Variants in ADD2 observed in about 807,000 individuals in gnomAD.
ADD2 encodes beta-adducin.
Under a neutral mutation model 83.0 loss-of-function variants are expected in ADD2, and 23 were observed. The ratio of observed to expected loss-of-function variants is 0.28; its 90% CI spans 0.20 to 0.39. The LOEUF is 0.39. Among genes scored for constraint, ADD2 ranks in the 10% least tolerant of loss-of-function variants. ADD2 has a pLI of 1.00. For missense variants in ADD2, 758 were observed against 944.9 expected (o/e 0.80, Z 2.59); for synonymous variants, 375 against 375.4 (o/e 1.00, Z 0.01).
intron 4 of ADD2, among the ~76,000 whole-genome samples, chr2:70,700,690 A>T (rs1671543932): frequency 6.6e-6 from 1 of 152,120 alleles, no homozygotes; most frequent in East Asian, 1.9e-4. Context: ...ACAAATATCT[A>T]GATTGGTCAA....
chr2:70,767,711 C>T (rs2104580919), intron 1 of ADD2, 175 bp downstream of exon 1: 1 of 1,424,746 alleles, frequency 7.0e-7, no homozygotes, highest in South Asian at 1.5e-5. Context: ...TCACCAGAAA[C>T]CTTTAGGCGC....
In ADD2 at chr2:70,713,171, C is replaced by T. The variant is rs1672286733; in HGVS notation, c.-140G>A. ...CCGGCCACATCTACACAACCTCAAA[C>T]ATCCAGGTGGAAACTGCAAAACACA... On this transcript the variant is annotated 5_prime_UTR_variant, in exon 2 of 16. An upstream start codon of the reference 5' UTR is lost. Transcript: ENST00000264436. The T allele has an allele frequency of 4.1e-6, 4 of 985,448 alleles. No individual in the cohort carries two copies. In the Admixed American group the frequency reaches 2.5e-4, roughly 61 times the overall value. The allele number at this position is 985,448 out of a possible 1,614,324, so 61.0% of individuals were successfully genotyped here. A position where few individuals can be genotyped will look rare whatever the true frequency, so the allele number is the denominator to read the frequency against.
intron 1 of ADD2, among the ~76,000 whole-genome samples, chr2:70,731,043 G>A (rs1453097913): frequency 2.6e-5 from 4 of 152,168 alleles, no homozygotes; most frequent in African/African-American, 9.7e-5. Flanking sequence ...GCGGCCAAAT[G>A]AGACAGCTTT....
intron 12 of ADD2, 41 bp downstream of exon 12, chr2:70,677,717 G>C (rs1000304086): frequency 1.5e-5 from 24 of 1,604,318 alleles, no homozygotes; most frequent in Non-Finnish European, 2.0e-5. Flanking sequence ...AGACCCCCCA[G>C]TGTGGGAGAA....
Position 70,676,080 on chromosome 2 carries a change from C to G in ADD2, c.1593+716G>C, listed in dbSNP as rs1670124560. 1 of 985,240 alleles carries G rather than the reference C, an allele frequency of 1.0e-6. No homozygotes were observed. Among genetic ancestry groups the G allele is most frequent in the Non-Finnish European group, 1.2e-6 (1 of 829,940 alleles). The allele number at this position is 985,240 out of a possible 1,614,324, so 61.0% of individuals were successfully genotyped here. A position where few individuals can be genotyped will look rare whatever the true frequency, so the allele number is the denominator to read the frequency against. ...AAATCATTGCATCATCACAATTTGC[C>G]CTGCAGAGAGGAACATTTCCTGTAT... On this transcript the variant is annotated intron_variant, in intron 13 of 15. Coordinates refer to ENST00000264436, the MANE Select transcript of ADD2 (RefSeq NM_001617.4). This position sits in a 1 kb window ranked among gnomAD's most constrained non-coding sequence, Gnocchi z 4.8.
At chr2:70,688,249 A>T in intron 8 of ADD2, 127 bp from the exon 9 acceptor site, 1 of 659,506 alleles carries the variant, frequency 1.5e-6, no homozygotes, top group South Asian at 2.1e-5. Flanking sequence ...CCAACTCCTT[A>T]TGTTCTCTAA....
At chr2:70,737,134 A>C (rs1553380300) in intron 1 of ADD2, among the ~76,000 whole-genome samples, 1 of 152,172 alleles carries the variant, frequency 6.6e-6, no homozygotes, top group African/African-American at 2.4e-5. Flanking sequence ...GTGGGACTGT[A>C]AACTAGTTCA....
chr2:70,704,265 C>CCCCCCCCCCCCCCCCCCCCACCCCCCCA, intron 4 of ADD2, 56 bp downstream of exon 4: 1 of 442,438 alleles, frequency 2.3e-6, no homozygotes, highest in African/African-American at 2.1e-5. Context: ...CCCTCTCTTC[C>CCCCCCCCCCCCCCCCCCCCACCCCCCCA]CCACCCCACC....
intron 15 of ADD2, among the ~76,000 whole-genome samples, chr2:70,671,327 G>A (rs1367219538): frequency 6.6e-6 from 1 of 152,126 alleles, no homozygotes; most frequent in East Asian, 1.9e-4. Context: ...GTGTGCCTGT[G>A]TGTTTGTGTA....
At position 70,760,510 on chromosome 2, in the gene ADD2, A is replaced by G. The variant is rs1675027866; in HGVS notation, c.-154+7376T>C. The G allele has an allele frequency of 2.6e-5, 4 of 152,314 alleles. No individual in the cohort carries two copies. In the South Asian group the frequency reaches 8.3e-4, roughly 32 times the overall value. 9.4% of individuals were successfully genotyped at this position (152,314 alleles called of 1,614,324 possible). A position where few individuals can be genotyped will look rare whatever the true frequency, so the allele number is the denominator to read the frequency against. ...ATAAGATACAAATGGTACAGTTCTA[A>G]TTTTTTAAAGTTTCAGAGAAACAAG... is the stretch of plus-strand genomic sequence containing the variant. On this transcript the variant is annotated intron_variant, in intron 1 of 15. Transcript: ENST00000264436.
At chr2:70,723,334 T>C (rs1192359003) in intron 1 of ADD2, among the ~76,000 whole-genome samples, 2 of 152,136 alleles carry the variant, frequency 1.3e-5, no homozygotes, top group Admixed American at 1.3e-4. Flanking sequence ...ACTCCACAAA[T>C]GTTAGGTGCT....
intron 15 of ADD2, among the ~76,000 whole-genome samples, chr2:70,666,033 C>T (rs1407460949): frequency 1.3e-5 from 2 of 152,162 alleles, no homozygotes; most frequent in Non-Finnish European, 1.5e-5. Flanking sequence ...CCAGGATGGT[C>T]TCGAACTCCT....
intron 1 of ADD2, among the ~76,000 whole-genome samples, chr2:70,719,820 C>T (rs1672644574): frequency 6.6e-6 from 1 of 152,078 alleles, no homozygotes; most frequent in Admixed American, 6.5e-5. Flanking sequence ...AAAGTTTCAC[C>T]TCAATCAAAT....
intron 15 of ADD2, among the ~76,000 whole-genome samples, chr2:70,671,436 CT>C (rs1404232006): frequency 1.4e-4 from 21 of 152,084 alleles, no homozygotes; most frequent in Non-Finnish European, 1.8e-4. Context: ...AGCCAGGAAA[CT>C]TCCCAAAGGC....
chr2:70,722,216 T>A (rs3771440), intron 1 of ADD2, among the ~76,000 whole-genome samples: 14,046 of 152,058 alleles, frequency 0.092, 674 homozygotes, highest in East Asian at 0.12. Flanking sequence ...GATAGAGGGG[T>A]AAAAATAAAA....
rs368484165 is a variant in ADD2, at chr2:70,695,861, CTG to C, written c.475-62_475-61del. The C allele has an allele frequency of 2.7e-3, 3,877 of 1,458,812 alleles. 61 individuals carry two copies. The African/African-American group carries it at 0.029, about 11-fold the overall frequency. The allele number at this position is 1,458,812 out of a possible 1,614,324, so 90.4% of individuals were successfully genotyped here. A position where few individuals can be genotyped will look rare whatever the true frequency, so the allele number is the denominator to read the frequency against. On this transcript the variant is annotated intron_variant, in intron 5 of 15. Coordinates refer to ENST00000264436, the MANE Select transcript of ADD2 (RefSeq NM_001617.4). Reference sequence around the variant, plus strand: ...GGGAGAAAGGACATTTCCAAGGACACTGTGCTTGAATCCCCTCTTCCCCTGAA... The same window carrying C: ...GGGAGAAAGGACATTTCCAAGGACACTGCTTGAATCCCCTCTTCCCCTGAA...
chr2:70,709,863 A>G (rs887586241), intron 2 of ADD2, among the ~76,000 whole-genome samples: 3 of 152,178 alleles, frequency 2.0e-5, no homozygotes, highest in South Asian at 2.1e-4. Flanking sequence ...TTTCACCTCT[A>G]TCATGCTCAC....
At chr2:70,722,638 G>C (rs185354035) in intron 1 of ADD2, among the ~76,000 whole-genome samples, 147 of 152,346 alleles carry the variant, frequency 9.6e-4, no homozygotes, top group Admixed American at 3.3e-3. Context: ...ACAGTGTCCT[G>C]AGAGCTACAA....
chr2:70,664,782 G>A (rs564186890), intron 15 of ADD2, among the ~76,000 whole-genome samples: 3 of 152,008 alleles, frequency 2.0e-5, no homozygotes, highest in Admixed American at 1.3e-4. Flanking sequence ...TGAGTGGGCA[G>A]GTTGTGTGTG....
Sources: allele counts gnomAD v4.1 joint callset (sites outside exome capture counted in the v4.1 genomes callset), GRCh38; gene constraint gnomAD v4.1.1; non-coding constraint Gnocchi (gnomAD v3.1); transcripts MANE v1.5; gene names NCBI Gene and HGNC (gene_info 2026-07-23, HGNC 2026-07-21).